The following DDX10 variants were observed in gnomAD, a reference collection of about 807,000 sequenced individuals.
DDX10 encodes probable ATP-dependent RNA helicase DDX10.
In DDX10, 74 loss-of-function variants were observed where a neutral mutation model predicts 104.3. The ratio of observed to expected loss-of-function variants is 0.71; its 90% CI spans 0.59 to 0.86. The LOEUF (loss-of-function observed/expected upper bound fraction) is 0.86, where lower values mean the gene tolerates loss of function less well. DDX10 is among the 40% of genes least tolerant of loss of function. The pLI is 0.00. For synonymous variants in DDX10, 351 were observed against 353.4 expected (o/e 0.99, Z 0.08); for missense variants, 952 against 1,040.0 (o/e 0.92, Z 1.16).
At chr11:108,716,381 G>C (rs1305584293) in intron 11 of DDX10, among the ~76,000 whole-genome samples, 4 of 152,132 alleles carry the variant, frequency 2.6e-5, no homozygotes, top group Admixed American at 1.3e-4. Context: ...ACAGGCGTGA[G>C]CCACTACGCC....
At chr11:108,901,733 GATAGGCCAGCCAGCACAAAT>G (rs1328785476) in intron 16 of DDX10, among the ~76,000 whole-genome samples, 1 of 152,114 alleles carries the variant, frequency 6.6e-6, no homozygotes, top group African/African-American at 2.4e-5. Flanking sequence ...CAAGAGGAAA[GATAGGCCAGCCAGCACAAAT>G]ATCTGAAAGG....
In DDX10 at chr11:108,700,775, C is replaced by G. The variant is rs113974761; in HGVS notation, c.1224-5964C>G. On this transcript the variant is annotated intron_variant, in intron 9 of 17. Coordinates refer to ENST00000322536, the MANE Select transcript of DDX10 (RefSeq NM_004398.4). Reference sequence around the variant, plus strand: ...TCTGGTAAAATGGGGTTAATTGTATCTAACTCTTATTTCCTGGAAGTATAA... The same window carrying G: ...TCTGGTAAAATGGGGTTAATTGTATGTAACTCTTATTTCCTGGAAGTATAA... Among the ~76,000 whole-genome samples, 989 of 152,204 alleles carry G rather than the reference C, an allele frequency of 6.5e-3. 3 individuals are homozygous for G. Among genetic ancestry groups the G allele is most frequent in the Middle Eastern group, 0.01 (3 of 294 alleles).
chr11:108,910,772 TG>T (rs1863662180), intron 16 of DDX10, among the ~76,000 whole-genome samples: 1 of 145,430 alleles, frequency 6.9e-6, no homozygotes, highest in Non-Finnish European at 1.5e-5. Context: ...TGTGTGTGTG[TG>T]TGTGTGTGTG....
At chr11:108,881,678 A>G (rs893630605) in intron 16 of DDX10, among the ~76,000 whole-genome samples, 1 of 152,170 alleles carries the variant, frequency 6.6e-6, no homozygotes, top group African/African-American at 2.4e-5. Context: ...ATTTCGCTCA[A>G]TGATAGGCTA....
intron 11 of DDX10, among the ~76,000 whole-genome samples, chr11:108,717,598 C>A (rs985209159): frequency 6.6e-6 from 1 of 152,184 alleles, no homozygotes; most frequent in Admixed American, 6.5e-5. Flanking sequence ...AAGCGTGAAC[C>A]ACCACGCCCA....
intron 13 of DDX10, among the ~76,000 whole-genome samples, chr11:108,781,728 C>T (rs1189119055): frequency 4.6e-5 from 7 of 151,768 alleles, no homozygotes; most frequent in Admixed American, 1.3e-4. Flanking sequence ...ACCAAAGAAT[C>T]GCCCTCTCAC....
chr11:108,915,401 C>G (rs1339545259), intron 16 of DDX10, among the ~76,000 whole-genome samples: 5 of 150,828 alleles, frequency 3.3e-5, no homozygotes, highest in Non-Finnish European at 7.4e-5. Flanking sequence ...AATTTGTAAC[C>G]ACCAACAGCT....
intron 13 of DDX10, among the ~76,000 whole-genome samples, chr11:108,786,977 A>G (rs971246066): frequency 1.3e-5 from 2 of 151,608 alleles, no homozygotes; most frequent in African/African-American, 4.8e-5. Flanking sequence ...TAGTGGTAGC[A>G]GGTTTTAAAC....
chr11:108,717,973 A>G (rs1485630648), intron 11 of DDX10, among the ~76,000 whole-genome samples: 2 of 152,212 alleles, frequency 1.3e-5, no homozygotes, highest in African/African-American at 4.8e-5. Flanking sequence ...AACCAGGCCA[A>G]CAGGGTGAAA....
chr11:108,697,022 A>T (rs1027082617), intron 9 of DDX10, among the ~76,000 whole-genome samples: 2 of 152,148 alleles, frequency 1.3e-5, no homozygotes, highest in African/African-American at 4.8e-5. Flanking sequence ...GACTGAGGAG[A>T]TGAAGAGGAG....
chr11:108,815,119 A>G (rs1445235975), intron 13 of DDX10, among the ~76,000 whole-genome samples: 3 of 152,232 alleles, frequency 2.0e-5, no homozygotes, highest in East Asian at 1.9e-4. Context: ...AAATAAATAC[A>G]TAACAAAGAA....
intron 16 of DDX10, among the ~76,000 whole-genome samples, chr11:108,869,078 C>T (rs971376130): frequency 1.3e-5 from 2 of 149,346 alleles, no homozygotes; most frequent in South Asian, 2.1e-4. Context: ...GACATGGAAG[C>T]GGGAGAAGTT....
intron 16 of DDX10, among the ~76,000 whole-genome samples, chr11:108,911,516 G>A (rs112527926): frequency 2.8e-5 from 4 of 142,108 alleles, no homozygotes; most frequent in Admixed American, 7.0e-5. Context: ...AGGCTCTACT[G>A]TTAGGACCTA....
intron 13 of DDX10, among the ~76,000 whole-genome samples, chr11:108,807,586 TAGC>T (rs945945655): frequency 1.3e-5 from 2 of 152,184 alleles, no homozygotes; most frequent in African/African-American, 4.8e-5. Flanking sequence ...TGAATGAAAG[TAGC>T]AGACTGTGGT....
At chr11:108,678,548 C>A in intron 5 of DDX10, 113 bp downstream of exon 5, 1 of 1,160,998 alleles carries the variant, frequency 8.6e-7, no homozygotes, top group Non-Finnish European at 1.2e-6. Context: ...TGATTCAAAA[C>A]AAACTTAAAA....
intron 13 of DDX10, among the ~76,000 whole-genome samples, chr11:108,789,394 T>C (rs1017946614): frequency 3.3e-5 from 5 of 152,226 alleles, no homozygotes; most frequent in African/African-American, 7.2e-5. Flanking sequence ...CTTTAAAAAC[T>C]CGTGAAAGAT....
At chr11:108,675,789 A>G in intron 3 of DDX10, 63 bp downstream of exon 3, 1 of 1,569,730 alleles carries the variant, frequency 6.4e-7, no homozygotes, top group South Asian at 1.2e-5. Flanking sequence ...CTGTGCCCAG[A>G]TGCAGATTAT....
At chr11:108,838,141 TTATTA>T (rs1244667852) in intron 13 of DDX10, among the ~76,000 whole-genome samples, 2 of 151,084 alleles carry the variant, frequency 1.3e-5, no homozygotes, top group Non-Finnish European at 2.9e-5. Flanking sequence ...TTATGCCCAT[TTATTA>T]TATTATGTAA....
At chr11:108,937,854 T>G (rs1416139388) in intron 17 of DDX10, among the ~76,000 whole-genome samples, 1 of 152,232 alleles carries the variant, frequency 6.6e-6, no homozygotes, top group Non-Finnish European at 1.5e-5. Context: ...TAAGATGTGC[T>G]TTATCCATTA....
Sources: allele counts gnomAD v4.1 joint callset (sites outside exome capture counted in the v4.1 genomes callset), GRCh38; gene constraint gnomAD v4.1.1; transcripts MANE v1.5; gene names NCBI Gene and HGNC (gene_info 2026-07-23, HGNC 2026-07-21).